Variants in MLLT3 observed in about 807,000 individuals in gnomAD.
MLLT3 encodes the protein protein AF-9.
Under a neutral mutation model 53.2 loss-of-function variants are expected in MLLT3, and 4 were observed. The ratio of observed to expected loss-of-function variants is 0.08; its 90% confidence interval spans 0.04 to 0.17. MLLT3 has a LOEUF of 0.17. MLLT3 is among the 10% of genes least tolerant of loss of function. The pLI is 1.00. For synonymous variants in MLLT3, 283 were observed against 230.6 expected (o/e 1.23, Z -2.06); for missense variants, 569 against 684.0 (o/e 0.83, Z 1.87).
chr9:20,533,995 A>G (rs548745493), intron 2 of MLLT3, among the ~76,000 whole-genome samples: 19 of 152,328 alleles, frequency 1.2e-4, no homozygotes, highest in Admixed American at 3.3e-4. Flanking sequence ...TATGTGAATT[A>G]ATTTGTGGTA....
At chr9:20,597,261 A>G (rs1253608758) in intron 2 of MLLT3, among the ~76,000 whole-genome samples, 2 of 152,042 alleles carry the variant, frequency 1.3e-5, no homozygotes, top group East Asian at 3.8e-4. Flanking sequence ...GGCACACAGT[A>G]GGCCACTGAA....
At chr9:20,389,054 C>T (rs1822117082) in intron 5 of MLLT3, among the ~76,000 whole-genome samples, 1 of 152,204 alleles carries the variant, frequency 6.6e-6, no homozygotes, top group Non-Finnish European at 1.5e-5. Flanking sequence ...TCCACAAAAA[C>T]CTGTTTTCAG....
At chr9:20,576,939 G>C (rs959730216) in intron 2 of MLLT3, among the ~76,000 whole-genome samples, 2 of 152,130 alleles carry the variant, frequency 1.3e-5, no homozygotes, top group African/African-American at 4.8e-5. Context: ...CCACGAGTTT[G>C]GGACCAGTCT....
intron 2 of MLLT3, among the ~76,000 whole-genome samples, chr9:20,546,488 G>A (rs1818791231): frequency 6.6e-6 from 1 of 151,494 alleles, no homozygotes; most frequent in Non-Finnish European, 1.5e-5. Context: ...AGGCTGCAGT[G>A]AGCTCTGATC....
chr9:20,579,186 A>T (rs2131172360), intron 2 of MLLT3, among the ~76,000 whole-genome samples: 1 of 152,252 alleles, frequency 6.6e-6, no homozygotes, highest in South Asian at 2.1e-4. Flanking sequence ...TGGGCAACAC[A>T]GTGAGACTAC....
intron 2 of MLLT3, among the ~76,000 whole-genome samples, chr9:20,574,518 A>C (rs1819607526): frequency 6.6e-6 from 1 of 152,362 alleles, no homozygotes. Context: ...ACTATACCAT[A>C]GTCTATTGAG....
chr9:20,577,353 CAT>C (rs1410802046), intron 2 of MLLT3, among the ~76,000 whole-genome samples: 18 of 152,240 alleles, frequency 1.2e-4, no homozygotes, highest in African/African-American at 3.8e-4. Flanking sequence ...CAAAACACAA[CAT>C]AATAAAGTTT....
At chr9:20,402,981 C>G (rs1822493013) in intron 5 of MLLT3, among the ~76,000 whole-genome samples, 1 of 152,124 alleles carries the variant, frequency 6.6e-6, no homozygotes, top group Non-Finnish European at 1.5e-5. Context: ...ATGGTAACAA[C>G]TCACTAGGAA....
intron 5 of MLLT3, among the ~76,000 whole-genome samples, chr9:20,384,417 T>C (rs1026556485): frequency 2.0e-5 from 3 of 152,058 alleles, no homozygotes; most frequent in Non-Finnish European, 4.4e-5. Context: ...CTACAATCAC[T>C]ACATATACAC....
intron 2 of MLLT3, among the ~76,000 whole-genome samples, chr9:20,501,371 C>G (rs1337252436): frequency 6.6e-6 from 1 of 152,152 alleles, no homozygotes; most frequent in African/African-American, 2.4e-5. Flanking sequence ...GTTAAGGCAT[C>G]TAACTATGAA....
At chr9:20,518,446 T>C (rs1413498703) in intron 2 of MLLT3, among the ~76,000 whole-genome samples, 1 of 152,108 alleles carries the variant, frequency 6.6e-6, no homozygotes, top group Non-Finnish European at 1.5e-5. Context: ...AAAAACACCA[T>C]GAGAACATTA....
chr9:20,424,972 A>C (rs1232444722), intron 4 of MLLT3, among the ~76,000 whole-genome samples: 1 of 152,170 alleles, frequency 6.6e-6, no homozygotes. Flanking sequence ...AGTGCTTTCT[A>C]TTACTACCAC....
intron 2 of MLLT3, among the ~76,000 whole-genome samples, chr9:20,521,458 A>ATGTGTGTGTG (rs34711683): frequency 4.0e-5 from 6 of 148,536 alleles, no homozygotes; most frequent in African/African-American, 1.2e-4. Context: ...GTGTGTGTAT[A>ATGTGTGTGTG]TGTGTGTGTG....
Position 20,621,647 on chromosome 9 carries a change from G to C in MLLT3, c.12+598C>G. 2.2e-6 allele frequency: 2 copies of C among 909,060 alleles called. No homozygotes were observed. The highest frequency in any genetic ancestry group is 3.6e-5 in the South Asian group (2 of 55,300). 56.3% of individuals were successfully genotyped at this position (909,060 alleles called of 1,614,324 possible). A position where few individuals can be genotyped will look rare whatever the true frequency, so the allele number is the denominator to read the frequency against. ...TGAAATTCAGAAAGGCAGGGCGGCG[G>C]GCGGACAGCCGCCGAGCCTCGGCTC... On this transcript the variant is annotated intron_variant, in intron 1 of 10. Transcript: ENST00000380338. This position sits in a 1 kb window ranked among gnomAD's most constrained non-coding sequence, Gnocchi z 7.0.
At chr9:20,371,018 G>C (rs1447876198) in intron 5 of MLLT3, among the ~76,000 whole-genome samples, 1 of 152,160 alleles carries the variant, frequency 6.6e-6, no homozygotes, top group East Asian at 1.9e-4. Flanking sequence ...TGCTGATATG[G>C]AGAAAGTTGT....
intron 5 of MLLT3, among the ~76,000 whole-genome samples, chr9:20,378,774 T>C (rs1054587991): frequency 1.3e-5 from 2 of 152,060 alleles, no homozygotes; most frequent in South Asian, 2.1e-4. Flanking sequence ...AAGAAGTCCC[T>C]CTATCTTAGT....
At chr9:20,447,022 G>C (rs1041922692) in intron 4 of MLLT3, among the ~76,000 whole-genome samples, 4 of 152,020 alleles carry the variant, frequency 2.6e-5, no homozygotes, top group African/African-American at 9.7e-5. Flanking sequence ...TCAAGTAAAA[G>C]GACAGCAGCC....
intron 2 of MLLT3, among the ~76,000 whole-genome samples, chr9:20,474,118 T>G (rs1473238516): frequency 6.6e-6 from 1 of 152,154 alleles, no homozygotes; most frequent in Non-Finnish European, 1.5e-5. Context: ...TTCGGTCTCT[T>G]GGCTCCTAAA....
At chr9:20,417,408 A>T (rs1366676591) in intron 4 of MLLT3, among the ~76,000 whole-genome samples, 2 of 147,626 alleles carry the variant, frequency 1.4e-5, no homozygotes, top group Non-Finnish European at 1.5e-5. Context: ...ATATATATAT[A>T]ATATACATGG....
Sources: allele counts gnomAD v4.1 joint callset (sites outside exome capture counted in the v4.1 genomes callset), GRCh38; gene constraint gnomAD v4.1.1; non-coding constraint Gnocchi (gnomAD v3.1); transcripts MANE v1.5; gene names NCBI Gene and HGNC (gene_info 2026-07-23, HGNC 2026-07-21).